The following VRK2 variants were observed in gnomAD, a reference collection of about 807,000 sequenced individuals.
VRK2 encodes the protein VRK serine/threonine kinase 2, also known as serine/threonine-protein kinase VRK2.
VRK2 carries 60 observed loss-of-function variants against 57.6 expected under a neutral mutation model. That is an observed-to-expected ratio of 1.04 (90% CI 0.85 to 1.29). VRK2 has a LOEUF of 1.29. VRK2 is among the 50% of genes most tolerant of loss of function. The pLI, the probability that VRK2 is intolerant of heterozygous loss-of-function variation, is 0.00. For synonymous variants in VRK2, 231 were observed against 199.2 expected (o/e 1.16, Z -1.35); for missense variants, 705 against 588.1 (o/e 1.20, Z -2.06).
chr2:57,971,539 CT>C (rs1338342068), intron 1 of VRK2, among the ~76,000 whole-genome samples: 1 of 151,858 alleles, frequency 6.6e-6, no homozygotes, highest in Non-Finnish European at 1.5e-5. Flanking sequence ...GGACTGCTAA[CT>C]TTTTTCCACA....
chr2:58,083,046 A>AAT (rs1465643934), intron 2 of VRK2, among the ~76,000 whole-genome samples: 1 of 151,814 alleles, frequency 6.6e-6, no homozygotes, highest in Non-Finnish European at 1.5e-5. Context: ...CATTTTAATA[A>AAT]ATATATTGAA....
intron 1 of VRK2, among the ~76,000 whole-genome samples, chr2:58,004,421 T>C (rs1450515089): frequency 1.3e-5 from 2 of 152,148 alleles, no homozygotes; most frequent in Non-Finnish European, 2.9e-5. Flanking sequence ...ACCAAAAGCT[T>C]TTTATTAGAA....
chr2:58,097,116 AG>A (rs1035401342), intron 7 of VRK2, among the ~76,000 whole-genome samples: 7 of 152,194 alleles, frequency 4.6e-5, no homozygotes, highest in African/African-American at 1.7e-4. Context: ...TGTTTGCTTG[AG>A]AAAAAGGTAG....
intron 1 of VRK2, among the ~76,000 whole-genome samples, chr2:57,956,769 T>C (rs1400309481): frequency 6.6e-6 from 1 of 152,206 alleles, no homozygotes; most frequent in Non-Finnish European, 1.5e-5. Context: ...ATATTCTTGA[T>C]ATTTTAGAAA....
At chr2:57,996,614 T>G (rs1672930927) in intron 1 of VRK2, among the ~76,000 whole-genome samples, 1 of 152,222 alleles carries the variant, frequency 6.6e-6, no homozygotes, top group African/African-American at 2.4e-5. Context: ...TTCACAAGGT[T>G]AAGAATAATT....
intron 7 of VRK2, among the ~76,000 whole-genome samples, chr2:58,113,950 A>G (rs559308532): frequency 2.0e-5 from 3 of 151,988 alleles, no homozygotes; most frequent in Non-Finnish European, 2.9e-5. Context: ...GTATGGAGAG[A>G]GAATGGGCGA....
intron 4 of VRK2, among the ~76,000 whole-genome samples, chr2:58,085,930 C>CTTTTTTTTTTTTT (rs59333442): frequency 3.4e-5 from 4 of 116,896 alleles, no homozygotes; most frequent in East Asian, 5.2e-4. Context: ...CTTTTTTTTT[C>CTTTTTTTTTTTTT]TTTTTTTTTT....
At chr2:57,954,683 AG>A (rs1170987512) in intron 1 of VRK2, among the ~76,000 whole-genome samples, 1 of 152,066 alleles carries the variant, frequency 6.6e-6, no homozygotes, top group Non-Finnish European at 1.5e-5. Context: ...ACTAGATTAT[AG>A]GGTCAATTTC....
intron 1 of VRK2, among the ~76,000 whole-genome samples, chr2:57,931,729 G>T (rs1670731126): frequency 6.6e-6 from 1 of 151,648 alleles, no homozygotes; most frequent in Non-Finnish European, 1.5e-5. Context: ...TCCTCTAAGA[G>T]ATTTATAGCT....
chr2:58,037,903 C>A (rs1172838272), intron 3 of VRK2, among the ~76,000 whole-genome samples: 1 of 151,990 alleles, frequency 6.6e-6, no homozygotes, highest in Non-Finnish European at 1.5e-5. Flanking sequence ...TAAAACAACA[C>A]AATAATTTGC....
intron 2 of VRK2, among the ~76,000 whole-genome samples, chr2:58,077,039 T>G (rs1198504889): frequency 6.6e-6 from 1 of 152,008 alleles, no homozygotes; most frequent in Non-Finnish European, 1.5e-5. Flanking sequence ...ATTTTGCCAG[T>G]TCTCCTACTA....
intron 1 of VRK2, among the ~76,000 whole-genome samples, chr2:57,929,080 G>A (rs1428773105): frequency 6.6e-6 from 1 of 152,152 alleles, no homozygotes; most frequent in African/African-American, 2.4e-5. Flanking sequence ...TTTGCTCAAA[G>A]CCCAAGAGCT....
chr2:58,077,869 A>G (rs904316002), intron 2 of VRK2, among the ~76,000 whole-genome samples: 2 of 152,118 alleles, frequency 1.3e-5, no homozygotes, highest in African/African-American at 4.8e-5. Context: ...TTAACTCCCT[A>G]GATGTCTCTA....
intron 1 of VRK2, among the ~76,000 whole-genome samples, chr2:57,936,531 G>GGT (rs753357283): frequency 4.4e-5 from 6 of 134,964 alleles, no homozygotes; most frequent in African/African-American, 8.4e-5. Flanking sequence ...TTGTTTTTTT[G>GGT]TTTTTTTTTT....
rs1477518591 is a variant in VRK2, at chr2:58,084,148, G to A, written c.186+10G>A. 1 of 1,598,894 alleles carries A rather than the reference G, an allele frequency of 6.3e-7. No homozygotes were observed. The highest frequency in any genetic ancestry group is 8.5e-7 in the Non-Finnish European group (1 of 1,170,898). On this transcript the variant is annotated intron_variant, in intron 3 of 12. Transcript: ENST00000340157. ...ACATGTAGTAAAAGTGGTAAGTGTT[G>A]CTCATAGATTTGTATTTCACATATA...
chr2:58,007,034 A>G (rs182349359), intron 1 of VRK2, among the ~76,000 whole-genome samples: 12 of 152,102 alleles, frequency 7.9e-5, no homozygotes, highest in African/African-American at 1.4e-4. Context: ...AGCCTTCCCC[A>G]AAGACCTTTG....
chr2:57,955,093 A>G (rs1044891024), intron 1 of VRK2, among the ~76,000 whole-genome samples: 1 of 152,186 alleles, frequency 6.6e-6, no homozygotes, highest in Non-Finnish European at 1.5e-5. Flanking sequence ...CTTATGGCCT[A>G]GAATAGGATA....
At chr2:57,911,360 C>T (rs1250146756) in intron 1 of VRK2, among the ~76,000 whole-genome samples, 1 of 152,126 alleles carries the variant, frequency 6.6e-6, no homozygotes, top group Admixed American at 6.6e-5. Flanking sequence ...AAACACTACA[C>T]CCTTTTTGGA....
intron 8 of VRK2, among the ~76,000 whole-genome samples, chr2:58,127,341 G>T (rs1678515682): frequency 6.6e-6 from 1 of 151,910 alleles, no homozygotes; most frequent in Non-Finnish European, 1.5e-5. Flanking sequence ...CTTTTGATTG[G>T]GTTAAGAATA....
Sources: allele counts gnomAD v4.1 joint callset (sites outside exome capture counted in the v4.1 genomes callset), GRCh38; gene constraint gnomAD v4.1.1; transcripts MANE v1.5; gene names NCBI Gene and HGNC (gene_info 2026-07-23, HGNC 2026-07-21).